The following INO80 variants were observed in gnomAD, a reference collection of about 807,000 sequenced individuals.
INO80 encodes the protein chromatin-remodeling ATPase INO80.
In INO80, 20 loss-of-function variants were observed where a neutral mutation model predicts 203.4. The ratio of observed to expected loss-of-function variants is 0.10; its 90% CI spans 0.07 to 0.14. INO80 has a LOEUF of 0.14. Ranked by LOEUF, INO80 falls within the 10% of genes least tolerant of loss-of-function variation. The pLI is 1.00. For missense variants in INO80, 1,419 were observed against 1,914.4 expected, an observed-to-expected ratio of 0.74 and a Z score of 4.83; for synonymous variants, 726 against 685.2, an observed-to-expected ratio of 1.06 and a Z score of -0.93.
At chr15:41,097,813 C>T (rs2045747077) in intron 1 of INO80, among the ~76,000 whole-genome samples, 1 of 151,784 alleles carries the variant, frequency 6.6e-6, no homozygotes, top group African/African-American at 2.4e-5. Context: ...ATTAGCTGGG[C>T]ATGGTGGCAG....
intron 7 of INO80, among the ~76,000 whole-genome samples, chr15:41,083,863 C>T (rs933396875): frequency 3.3e-5 from 5 of 152,112 alleles, no homozygotes; most frequent in Non-Finnish European, 2.9e-5. Context: ...ATTTGTAAGT[C>T]CACCAGCTTA....
intron 1 of INO80, among the ~76,000 whole-genome samples, chr15:41,104,792 G>T (rs2140693551): frequency 6.6e-6 from 1 of 151,960 alleles, no homozygotes; most frequent in South Asian, 2.1e-4. Flanking sequence ...TGTCTGCCTT[G>T]GCCTCCCAAA....
chr15:40,991,498 G>A (rs1184314889), intron 29 of INO80, among the ~76,000 whole-genome samples: 2 of 152,206 alleles, frequency 1.3e-5, no homozygotes, highest in Non-Finnish European at 1.5e-5. Flanking sequence ...GGTTTATGGA[G>A]CTCAGTGAGA....
At chr15:41,074,906 G>A (rs936208372) in intron 9 of INO80, among the ~76,000 whole-genome samples, 1 of 151,998 alleles carries the variant, frequency 6.6e-6, no homozygotes, top group African/African-American at 2.4e-5. Context: ...CACTAAACTC[G>A]GCTAATTTGT....
intron 24 of INO80, among the ~76,000 whole-genome samples, chr15:41,038,831 C>CCAA (rs1302653136): frequency 6.6e-6 from 1 of 152,226 alleles, no homozygotes; most frequent in East Asian, 1.9e-4. Flanking sequence ...AACAAAGATC[C>CCAA]CAACTGGTTT....
chr15:41,067,163 G>GC (rs1002090497), intron 14 of INO80, among the ~76,000 whole-genome samples: 1 of 151,898 alleles, frequency 6.6e-6, no homozygotes, highest in African/African-American at 2.4e-5. Flanking sequence ...TGCAAACTCT[G>GC]CCCCCCGGGT....
intron 5 of INO80, among the ~76,000 whole-genome samples, chr15:41,090,421 CA>C (rs201358643): frequency 2.0e-5 from 3 of 149,356 alleles, no homozygotes; most frequent in African/African-American, 7.4e-5. Flanking sequence ...ACTAAAAACG[CA>C]AAAAAAAAGC....
intron 28 of INO80, among the ~76,000 whole-genome samples, chr15:40,999,970 C>G (rs2043937206): frequency 1.3e-5 from 2 of 152,138 alleles, no homozygotes; most frequent in African/African-American, 4.8e-5. Context: ...TGGTGGCACA[C>G]ACCTGTAGAC....
intron 17 of INO80, 60 bp downstream of exon 17, chr15:41,056,562 C>G: frequency 1.6e-6 from 2 of 1,251,954 alleles, no homozygotes; most frequent in Non-Finnish European, 2.3e-6. Flanking sequence ...GAATTCTATG[C>G]TCTGCTGGAA....
chr15:41,043,349 C>G (rs1467728437), intron 24 of INO80, among the ~76,000 whole-genome samples: 1 of 152,170 alleles, frequency 6.6e-6, no homozygotes, highest in African/African-American at 2.4e-5. Flanking sequence ...TTAAGCAACT[C>G]TTCAGACATA....
chr15:41,052,589 C>T (rs894273669), intron 19 of INO80, among the ~76,000 whole-genome samples: 1 of 148,714 alleles, frequency 6.7e-6, no homozygotes, highest in African/African-American at 2.5e-5. Context: ...GGGAGGACTG[C>T]TTGAGCCAAG....
In INO80 at chr15:41,016,231, G is replaced by A. The variant is rs748506207; in HGVS notation, c.3275-16C>T. The A allele has an allele frequency of 2.5e-6, 4 of 1,611,704 alleles. No individual in the cohort carries two copies. Among genetic ancestry groups the A allele is most frequent in the African/African-American group, 1.3e-5 (1 of 74,956 alleles). On this transcript the variant is annotated splice_polypyrimidine_tract_variant and intron_variant, in intron 26 of 35. Transcript: ENST00000648947. ...CTCTCCTTGCCTGGGGAGAAGAAAA[G>A]GGGGTGAGGGGGAACTGTATTTAAT...
chr15:40,983,347 T>C, intron 34 of INO80: 1 of 457,450 alleles, frequency 2.2e-6, no homozygotes, highest in South Asian at 2.4e-5. Flanking sequence ...TCTTTAAATT[T>C]GTCCATTACA....
chr15:41,072,068 A>G lies in INO80; in HGVS notation c.1396-10T>C, dbSNP rs1246875740. On this transcript the variant is annotated splice_polypyrimidine_tract_variant and intron_variant, in intron 11 of 35. Transcript: ENST00000648947. ...CATCAAATGACCTTGTCTGGAAAGT[A>G]AAAAAAAAAAAAATTAGAAAAAAAA... The G allele has an allele frequency of 3.3e-6, 1 of 305,130 alleles. No homozygotes were observed. The highest frequency in any genetic ancestry group is 5.2e-6 in the Non-Finnish European group (1 of 192,198). The allele number at this position is 305,130 out of a possible 1,614,324, so 18.9% of individuals were successfully genotyped here. A position where few individuals can be genotyped will look rare whatever the true frequency, so the allele number is the denominator to read the frequency against.
chr15:41,082,573 C>A (rs771882420), intron 7 of INO80, among the ~76,000 whole-genome samples: 1 of 151,912 alleles, frequency 6.6e-6, no homozygotes, highest in Non-Finnish European at 1.5e-5. Context: ...TGGTGGCAGG[C>A]GCCTGTAATC....
chr15:41,107,990 C>T (rs1320371227), intron 1 of INO80, among the ~76,000 whole-genome samples: 1 of 151,938 alleles, frequency 6.6e-6, no homozygotes, highest in Non-Finnish European at 1.5e-5. Context: ...ATCCCAGCTA[C>T]TAGGGAGACT....
At position 41,005,619 on chromosome 15, in the gene INO80, T is replaced by C. The variant is rs1337500751; in HGVS notation, c.3471A>G (p.Arg1157=). Residue 1157 remains arginine, a synonymous_variant, in exon 28 of 36, where the codon CGA becomes CGG. Transcript: ENST00000648947. The part of the protein sequence containing the change: ...LDGSSKISER[R]DMVADFQNRN... ...TGTTCTGAAAATCAGCAACCATGTC[T>C]CGCCTCTCCGAGATCTTGGATGAGC... 1 of 1,605,552 alleles carries C rather than the reference T, an allele frequency of 6.2e-7. No homozygotes were observed. Among genetic ancestry groups the C allele is most frequent in the African/African-American group, 1.3e-5 (1 of 74,608 alleles).
chr15:41,073,441 A>C lies in INO80; in HGVS notation c.1382T>G (p.Ile461Ser), dbSNP rs1566938596. The change falls in exon 11 of 36, where the codon ATT (isoleucine) becomes AGT (serine). Residue 461 changes from isoleucine to serine, a missense_variant. Physicochemically the swap from Ile to Ser is moderately radical, Grantham distance 142. Coordinates refer to ENST00000648947, the MANE Select transcript of INO80 (RefSeq NM_017553.3). Reference protein sequence around the residue: ...ALKNAENAYHIHQARTRSFDE... With the variant: ...ALKNAENAYHSHQARTRSFDE... ...CTGAAGACTCACCCGAGCTTGGTGAATATGGTAAGCATTTTCAGCATTCTT... is the reference window on the plus strand; with the variant it reads ...CTGAAGACTCACCCGAGCTTGGTGACTATGGTAAGCATTTTCAGCATTCTT... 1 of 1,614,132 alleles carries C rather than the reference A, an allele frequency of 6.2e-7. No individual in the cohort carries two copies. Among genetic ancestry groups the C allele is most frequent in the Non-Finnish European group, 8.5e-7 (1 of 1,179,960 alleles).
At chr15:41,009,194 CAT>C (rs797017091) in intron 27 of INO80, among the ~76,000 whole-genome samples, 15 of 151,364 alleles carry the variant, frequency 9.9e-5, no homozygotes, top group African/African-American at 3.6e-4. Flanking sequence ...TATTGTAGAA[CAT>C]ATGCGGTTTT....
Sources: allele counts gnomAD v4.1 joint callset (sites outside exome capture counted in the v4.1 genomes callset), GRCh38; gene constraint gnomAD v4.1.1; transcripts MANE v1.5; gene names NCBI Gene and HGNC (gene_info 2026-07-23, HGNC 2026-07-21).